Variants in ZFAND3 observed in about 807,000 individuals in gnomAD.
ZFAND3 encodes the protein AN1-type zinc finger protein 3.
A neutral mutation model predicts 29.6 loss-of-function variants in ZFAND3; 10 were observed. The ratio of observed to expected loss-of-function variants is 0.34; its 90% CI spans 0.21 to 0.57. The LOEUF (loss-of-function observed/expected upper bound fraction) is 0.57, where lower values mean the gene tolerates loss of function less well. ZFAND3 is among the 20% of genes least tolerant of loss of function. The probability of loss-of-function intolerance (pLI) is 0.86; values close to 1 mark genes in which losing one functional copy is unlikely to be tolerated. For synonymous variants in ZFAND3, 128 were observed against 112.6 expected (o/e 1.14, Z -0.87); for missense variants, 230 against 304.5 (o/e 0.76, Z 1.82).
intron 2 of ZFAND3, among the ~76,000 whole-genome samples, chr6:38,007,083 C>T (rs553751128): frequency 6.6e-6 from 1 of 152,144 alleles, no homozygotes; most frequent in Non-Finnish European, 1.5e-5. Flanking sequence ...GATGGACATA[C>T]ACTTGCCAAC....
intron 5 of ZFAND3, among the ~76,000 whole-genome samples, chr6:38,148,623 A>G (rs1046297323): frequency 1.3e-5 from 2 of 152,178 alleles, no homozygotes; most frequent in African/African-American, 4.8e-5. Flanking sequence ...CCAGAATTCA[A>G]TCAGAGAGCA....
chr6:37,837,356 C>A (rs1466242094), intron 1 of ZFAND3, among the ~76,000 whole-genome samples: 2 of 152,062 alleles, frequency 1.3e-5, no homozygotes, highest in Non-Finnish European at 2.9e-5. Context: ...TTCTAAAAAT[C>A]TTATTTTGCT....
intron 2 of ZFAND3, among the ~76,000 whole-genome samples, chr6:38,004,225 T>C (rs1763003770): frequency 1.3e-5 from 2 of 152,118 alleles, no homozygotes. Context: ...GGTTGAGATC[T>C]TGTGATTGTC....
At chr6:38,027,794 A>G (rs1208845515) in intron 2 of ZFAND3, among the ~76,000 whole-genome samples, 1 of 152,228 alleles carries the variant, frequency 6.6e-6, no homozygotes, top group Non-Finnish European at 1.5e-5. Flanking sequence ...TGGAAGACTG[A>G]CTCAGCAGAA....
At chr6:38,029,204 A>G (rs956686962) in intron 2 of ZFAND3, among the ~76,000 whole-genome samples, 13 of 152,180 alleles carry the variant, frequency 8.5e-5, no homozygotes, top group Non-Finnish European at 1.8e-4. Context: ...CAGCTTATAA[A>G]ACACTTTTGA....
chr6:38,119,818 A>G (rs1765493905), intron 5 of ZFAND3, among the ~76,000 whole-genome samples: 1 of 152,238 alleles, frequency 6.6e-6, no homozygotes, highest in African/African-American at 2.4e-5. Flanking sequence ...TCAAAAGAGC[A>G]ATTTGTAAGG....
chr6:38,128,021 A>C (rs1038448979), intron 5 of ZFAND3, among the ~76,000 whole-genome samples: 6 of 152,188 alleles, frequency 3.9e-5, no homozygotes, highest in Admixed American at 3.3e-4. Context: ...TCTTCTTGTT[A>C]GTTCAGCCTC....
At chr6:37,873,109 A>AC (rs767976912) in intron 1 of ZFAND3, among the ~76,000 whole-genome samples, 2 of 151,252 alleles carry the variant, frequency 1.3e-5, no homozygotes, top group Admixed American at 6.6e-5. Flanking sequence ...AACAAAAAAA[A>AC]CCCCCCAAAA....
intron 2 of ZFAND3, among the ~76,000 whole-genome samples, chr6:37,930,741 T>A (rs922898780): frequency 2.0e-5 from 3 of 152,206 alleles, no homozygotes; most frequent in African/African-American, 7.2e-5. Flanking sequence ...TATTTTTACT[T>A]TTTAAAAAAC....
chr6:38,075,695 A>G (rs1227209621), intron 3 of ZFAND3, among the ~76,000 whole-genome samples: 3 of 152,228 alleles, frequency 2.0e-5, no homozygotes, highest in South Asian at 4.1e-4. Flanking sequence ...GCTGTCAAAC[A>G]GCATTACTAC....
chr6:37,861,248 CTG>C (rs1238803622), intron 1 of ZFAND3, among the ~76,000 whole-genome samples: 2 of 152,012 alleles, frequency 1.3e-5, no homozygotes, highest in Non-Finnish European at 2.9e-5. Flanking sequence ...CAGAGCTAGG[CTG>C]TGTCTCAAAA....
intron 2 of ZFAND3, among the ~76,000 whole-genome samples, chr6:38,061,120 C>T (rs1000357733): frequency 1.2e-4 from 19 of 152,136 alleles, no homozygotes; most frequent in African/African-American, 4.1e-4. Context: ...TCCAAATATT[C>T]TGCCTTTTAG....
At chr6:38,101,595 G>A (rs1765093441) in intron 4 of ZFAND3, among the ~76,000 whole-genome samples, 2 of 151,988 alleles carry the variant, frequency 1.3e-5, no homozygotes, top group South Asian at 4.2e-4. Context: ...CCAACATGGT[G>A]AAACCCCATC....
intron 1 of ZFAND3, among the ~76,000 whole-genome samples, chr6:37,855,094 TA>T (rs1764356365): frequency 6.6e-6 from 1 of 150,496 alleles, no homozygotes; most frequent in African/African-American, 2.4e-5. Context: ...CTTTGCTTTC[TA>T]AAAAGCAAGG....
At chr6:37,932,270 A>AAT (rs1761612454) in intron 2 of ZFAND3, among the ~76,000 whole-genome samples, 2 of 151,880 alleles carry the variant, frequency 1.3e-5, no homozygotes, top group African/African-American at 4.8e-5. Flanking sequence ...CAAAAAAAAA[A>AAT]AAATAAATAA....
At chr6:37,909,366 G>A (rs1308625542) in intron 1 of ZFAND3, among the ~76,000 whole-genome samples, 7 of 149,028 alleles carry the variant, frequency 4.7e-5, no homozygotes, top group Non-Finnish European at 8.9e-5. Context: ...TGCATCCTCC[G>A]CCTCCCAGGT....
At chr6:38,084,181 C>G (rs1470442235) in intron 4 of ZFAND3, among the ~76,000 whole-genome samples, 1 of 152,026 alleles carries the variant, frequency 6.6e-6, no homozygotes, top group Non-Finnish European at 1.5e-5. Context: ...CTTCTCCTAA[C>G]CAGACTGTGG....
chr6:37,913,626 C>A (rs1385137044), intron 1 of ZFAND3, among the ~76,000 whole-genome samples: 1 of 151,308 alleles, frequency 6.6e-6, no homozygotes, highest in African/African-American at 2.4e-5. Flanking sequence ...CACAGATGTT[C>A]TTAAGGGCAA....
At position 38,055,012 on chromosome 6, in the gene ZFAND3, C is replaced by T. The variant is rs187700257; in HGVS notation, c.113-6581C>T. Among the ~76,000 whole-genome samples the T allele has an allele frequency of 3.2e-3, 491 of 152,166 alleles. 3 individuals carry two copies. The highest frequency in any genetic ancestry group is 0.011 in the African/African-American group (458 of 41,532). On this transcript the variant is annotated intron_variant, in intron 2 of 5. Transcript: ENST00000287218. The stretch of plus-strand genomic sequence containing the variant: ...AGAAAACTAGAAATGTTTCTATGAA[C>T]GGAAGCTGTAGCCTATTATGGACAT...
Sources: gnomAD v4.1 joint callset for allele counts (sites outside exome capture counted in the v4.1 genomes callset) on GRCh38, gnomAD v4.1.1 for gene constraint, MANE v1.5 for transcripts, NCBI Gene and HGNC (gene_info 2026-07-23, HGNC 2026-07-21) for gene names.